PGBD2: variants seen among roughly 807,000 people sequenced by gnomAD.
The protein encoded by PGBD2 is piggyBac transposable element derived 2, also known as piggyBac transposable element-derived protein 2.
PGBD2 carries 6 observed loss-of-function variants against 8.1 expected under a neutral mutation model. That is an observed-to-expected ratio of 0.74 (90% CI 0.40 to 1.46). The LOEUF (loss-of-function observed/expected upper bound fraction) is 1.46, where lower values mean the gene tolerates loss of function less well. Among genes scored for constraint, PGBD2 ranks in the 40% most tolerant of loss-of-function variants. The pLI is 0.02. For synonymous variants in PGBD2, 318 were observed against 272.2 expected (o/e 1.17, Z -1.66); for missense variants, 802 against 739.0 (o/e 1.09, Z -0.99).
the PGBD2 span, among the ~76,000 whole-genome samples, chr1:248,886,070 G>T: frequency 6.6e-6 from 1 of 152,110 alleles, no homozygotes; most frequent in Non-Finnish European, 1.5e-5. Context: ...GATATTTTGT[G>T]CAAATAATGG....
the PGBD2 span, among the ~76,000 whole-genome samples, chr1:248,891,070 G>T: frequency 6.6e-6 from 1 of 152,080 alleles, no homozygotes; most frequent in Non-Finnish European, 1.5e-5. Context: ...ACGCACTGAC[G>T]CATGCATGGT....
rs970888232 is a variant in PGBD2, at chr1:248,918,548, T to C, written c.*185T>C. The C allele has an allele frequency of 2.7e-6, 1 of 370,714 alleles. No individual in the cohort carries two copies. The highest frequency in any genetic ancestry group is 4.9e-6 in the Non-Finnish European group (1 of 204,172). The allele number at this position is 370,714 out of a possible 1,614,324, so 23.0% of individuals were successfully genotyped here. ...TGTTGTGTTATGCCTACATGTGATATAAATTAATATTTATATTCATTTATA... is the reference window on the plus strand; with the variant it reads ...TGTTGTGTTATGCCTACATGTGATACAAATTAATATTTATATTCATTTATA... On this transcript the variant is annotated 3_prime_UTR_variant, in exon 3 of 3. Coordinates refer to ENST00000329291, the MANE Select transcript of PGBD2 (RefSeq NM_170725.3).
chr1:248,917,659 C>G lies in PGBD2; in HGVS notation c.1075C>G (p.Leu359Val). 6.2e-7 allele frequency: 1 copy of G among 1,614,164 alleles called. No homozygotes were observed. Among genetic ancestry groups the G allele is most frequent in the South Asian group, 1.1e-5 (1 of 91,082 alleles). The change falls in exon 3 of 3, where the codon CTG becomes GTG. Residue 359 changes from leucine to valine, a missense_variant. Physicochemically the swap from Leu to Val is conservative, Grantham distance 32 (BLOSUM62 1). Coordinates refer to ENST00000329291, the MANE Select transcript of PGBD2 (RefSeq NM_170725.3). ...FFDKVFTSVK[L>V]MSILRKKGVK... ...TGACAAGGTTTTCACAAGTGTTAAA[C>G]TGATGTCCATTTTGAGGAAAAAGGG...
chr1:248,914,154 G>T (rs947931712), intron 2 of PGBD2, among the ~76,000 whole-genome samples: 1 of 152,234 alleles, frequency 6.6e-6, no homozygotes, highest in Non-Finnish European at 1.5e-5. Flanking sequence ...AAAGACACCA[G>T]ATGGTTACTC....
At chr1:248,920,588 G>C (rs1380888557), downstream of PGBD2, among the ~76,000 whole-genome samples, 4 of 152,134 alleles carry the variant, frequency 2.6e-5, no homozygotes, top group African/African-American at 9.7e-5. Flanking sequence ...ATTGTGAATA[G>C]TGCTGCAATA....
rs753690599 is a variant in PGBD2, at chr1:248,916,689, C to T, written c.105C>T (p.Ser35=). 4 of 1,614,036 alleles carry T rather than the reference C, an allele frequency of 2.5e-6. No individual in the cohort carries two copies. The Admixed American group carries it at 5.0e-5, about 20-fold the overall frequency. ...TGAATGCTATGGAGGAGGAAGAGTC[C>T]AACAACAACAGGGAAGAGATTTTCA... ...EVLNAMEEEE[S]NNNREEIFIA... The change falls in exon 3 of 3, where the codon TCC becomes TCT. Residue 35 remains serine, a synonymous_variant. Transcript: ENST00000329291.
chr1:248,909,656 A>G (rs1372489979), intron 1 of PGBD2, among the ~76,000 whole-genome samples: 1 of 152,158 alleles, frequency 6.6e-6, no homozygotes, highest in African/African-American at 2.4e-5. Context: ...ATTTCAGTCT[A>G]TTGTGGTGAA....
chr1:248,916,136 G>C (rs1033594193), intron 2 of PGBD2, among the ~76,000 whole-genome samples: 5 of 152,204 alleles, frequency 3.3e-5, no homozygotes, highest in African/African-American at 4.8e-5. Flanking sequence ...TCTGTGGGCC[G>C]GGTGCCATGG....
the PGBD2 span, among the ~76,000 whole-genome samples, chr1:248,883,026 A>C: frequency 5.3e-5 from 8 of 152,200 alleles, no homozygotes; most frequent in African/African-American, 1.9e-4. Flanking sequence ...CAATTTGTAT[A>C]TAGCTAATTG....
the PGBD2 span, among the ~76,000 whole-genome samples, chr1:248,874,911 T>TAG: frequency 2.9e-5 from 2 of 69,154 alleles, no homozygotes; most frequent in Non-Finnish European, 7.1e-5. Context: ...TAGAGATAGA[T>TAG]AGATAGATAG....
At chr1:248,914,029 A>G in intron 2 of PGBD2, 150 bp downstream of exon 2, 1 of 764,114 alleles carries the variant, frequency 1.3e-6, no homozygotes, top group South Asian at 1.5e-5. Flanking sequence ...GAGATGGGAG[A>G]AGAATGGGAA....
chr1:248,916,319 C>A (rs1662096371), intron 2 of PGBD2, among the ~76,000 whole-genome samples: 1 of 152,096 alleles, frequency 6.6e-6, no homozygotes, highest in Non-Finnish European at 1.5e-5. Flanking sequence ...GAGGCTGAGG[C>A]AGGAGAATCG....
the PGBD2 span, among the ~76,000 whole-genome samples, chr1:248,929,288 C>G: frequency 6.6e-6 from 1 of 152,136 alleles, no homozygotes; most frequent in African/African-American, 2.4e-5. Flanking sequence ...CTCCATTCGT[C>G]TCTCTTTTCT....
At chr1:248,880,363 T>G in the PGBD2 span, among the ~76,000 whole-genome samples, 1 of 152,226 alleles carries the variant, frequency 6.6e-6, no homozygotes, top group East Asian at 1.9e-4. Context: ...GCCAGTCAGA[T>G]GCTTAGTGGT....
the PGBD2 span, among the ~76,000 whole-genome samples, chr1:248,883,650 G>A: frequency 7.2e-6 from 1 of 138,506 alleles, no homozygotes; most frequent in South Asian, 2.3e-4. Flanking sequence ...AGGCTGGAGT[G>A]CAGTGGCACG....
chr1:248,907,496 AC>A (rs2103102109), intron 1 of PGBD2, among the ~76,000 whole-genome samples: 1 of 152,220 alleles, frequency 6.6e-6, no homozygotes, highest in East Asian at 1.9e-4. Flanking sequence ...GGGCTGGGGG[AC>A]GGTAAGGTCT....
chr1:248,894,093 T>C, the PGBD2 span, among the ~76,000 whole-genome samples: 1 of 152,196 alleles, frequency 6.6e-6, no homozygotes, highest in Non-Finnish European at 1.5e-5. Flanking sequence ...CTCATTTTTA[T>C]ATCAGGTTAT....
chr1:248,873,895 A>G, the PGBD2 span, among the ~76,000 whole-genome samples: 1 of 152,146 alleles, frequency 6.6e-6, no homozygotes, highest in Non-Finnish European at 1.5e-5. Context: ...GACTCAAGGT[A>G]AGCACCTTGC....
chr1:248,891,782 C>T, the PGBD2 span, among the ~76,000 whole-genome samples: 1 of 152,162 alleles, frequency 6.6e-6, no homozygotes, highest in Admixed American at 6.5e-5. Flanking sequence ...CAAGATTGAG[C>T]CACTGCATTC....
Sources: gnomAD v4.1 joint callset for allele counts (sites outside exome capture counted in the v4.1 genomes callset) on GRCh38, gnomAD v4.1.1 for gene constraint, MANE v1.5 for transcripts, NCBI Gene and HGNC (gene_info 2026-07-23, HGNC 2026-07-21) for gene names.